Variants in PBX3 observed in about 807,000 individuals in gnomAD.
The protein encoded by PBX3 is PBX homeobox 3.
Under a neutral mutation model 48.5 loss-of-function variants are expected in PBX3, and 14 were observed. That is an observed-to-expected ratio of 0.29 (90% CI 0.19 to 0.45). PBX3 has a LOEUF of 0.45. Ranked by LOEUF, PBX3 falls within the 20% of genes least tolerant of loss-of-function variation. The pLI is 1.00. For synonymous variants in PBX3, 210 were observed against 200.3 expected, an observed-to-expected ratio of 1.05 and a Z score of -0.41; for missense variants, 386 against 546.7, an observed-to-expected ratio of 0.71 and a Z score of 2.93.
intron 4 of PBX3, among the ~76,000 whole-genome samples, chr9:125,932,352 G>T (rs918994576): frequency 1.3e-4 from 19 of 150,662 alleles, no homozygotes; most frequent in African/African-American, 3.8e-4. Context: ...CAACTATTCA[G>T]ACTGAAAGTC....
intron 1 of PBX3, chr9:125,748,205 A>G: frequency 9.9e-7 from 1 of 1,005,974 alleles, no homozygotes; most frequent in Non-Finnish European, 1.2e-6. Context: ...CCTCCTCTGC[A>G]CAGGAGCGGA....
intron 2 of PBX3, among the ~76,000 whole-genome samples, chr9:125,806,943 T>C (rs886175546): frequency 1.3e-5 from 2 of 152,158 alleles, no homozygotes; most frequent in African/African-American, 4.8e-5. Context: ...GGAGAAGATA[T>C]AAGACAGACT....
intron 2 of PBX3, among the ~76,000 whole-genome samples, chr9:125,814,988 C>T (rs1838415810): frequency 6.6e-6 from 1 of 152,178 alleles, no homozygotes; most frequent in African/African-American, 2.4e-5. Context: ...CATCTTTTAT[C>T]AGAATTCTGA....
intron 2 of PBX3, among the ~76,000 whole-genome samples, chr9:125,780,184 C>A (rs1283477008): frequency 7.4e-6 from 1 of 135,916 alleles, no homozygotes; most frequent in Non-Finnish European, 1.6e-5. Context: ...GCTGGCCGGG[C>A]GAGGTGCTGA....
intron 5 of PBX3, among the ~76,000 whole-genome samples, chr9:125,948,811 G>T (rs1243859024): frequency 6.6e-6 from 1 of 151,928 alleles, no homozygotes; most frequent in African/African-American, 2.4e-5. Flanking sequence ...TCTTGCTCCA[G>T]TCTTTATAAT....
At chr9:125,803,736 C>A (rs1424675948) in intron 2 of PBX3, among the ~76,000 whole-genome samples, 1 of 152,142 alleles carries the variant, frequency 6.6e-6, no homozygotes, top group East Asian at 1.9e-4. Context: ...GATGACTACT[C>A]TCGTTTATTT....
intron 3 of PBX3, among the ~76,000 whole-genome samples, chr9:125,916,685 G>A (rs183716302): frequency 6.6e-6 from 1 of 152,218 alleles, no homozygotes; most frequent in African/African-American, 2.4e-5. Flanking sequence ...ATGTTAAAAT[G>A]TGGAGAAAAA....
chr9:125,870,445 G>T (rs1340592617), intron 2 of PBX3, among the ~76,000 whole-genome samples: 1 of 152,142 alleles, frequency 6.6e-6, no homozygotes, highest in East Asian at 1.9e-4. Context: ...ATCATATCAG[G>T]CTGGGTGATC....
chr9:125,905,092 G>A (rs1459793199), intron 2 of PBX3, among the ~76,000 whole-genome samples: 1 of 151,920 alleles, frequency 6.6e-6, no homozygotes, highest in Non-Finnish European at 1.5e-5. Flanking sequence ...CTTCAGAGAA[G>A]TGGGTTGAAT....
At chr9:125,760,404 T>G (rs975276069) in intron 2 of PBX3, among the ~76,000 whole-genome samples, 2 of 148,828 alleles carry the variant, frequency 1.3e-5, no homozygotes, top group African/African-American at 2.5e-5. Context: ...TAGTCTTAGG[T>G]TTTTTTTTTG....
In PBX3 at chr9:125,747,689, T is replaced by C. The variant is rs1262326242; in HGVS notation, c.200+36T>C. 4 of 1,485,252 alleles carry C rather than the reference T, an allele frequency of 2.7e-6. No homozygotes were observed. The African/African-American group carries it at 5.8e-5, about 22-fold the overall frequency. 92.0% of individuals were successfully genotyped at this position (1,485,252 alleles called of 1,614,324 possible). A position where few individuals can be genotyped will look rare whatever the true frequency, so the allele number is the denominator to read the frequency against. Reference sequence around the variant, plus strand: ...TCTCATTAAGCATCTTTTGTGTGTGTGCGGGAGCCGGGCCCGCGGCCGAGT... The same window carrying C: ...TCTCATTAAGCATCTTTTGTGTGTGCGCGGGAGCCGGGCCCGCGGCCGAGT... On this transcript the variant is annotated intron_variant, in intron 1 of 8. Coordinates refer to ENST00000373489, the MANE Select transcript of PBX3 (RefSeq NM_006195.6).
rs1554855766 is a variant in PBX3 at position 125,793,366 on chromosome 9, A to ATATATATATATATAT, written c.274+44743_274+44744insTATATATATATATAT. ...GACTCCATTTGGGGGGGAAAAAAAA[A>ATATATATATATATAT]ATATATATATATATATATATATATA... is the stretch of plus-strand genomic sequence containing the variant. On this transcript the variant is annotated intron_variant, in intron 2 of 8. Transcript: ENST00000373489. Among the ~76,000 whole-genome samples, 133 of 101,906 alleles carry ATATATATATATATAT rather than the reference A, an allele frequency of 1.3e-3. 1 individual carries two copies. The highest frequency in any genetic ancestry group is 2.8e-3 in the East Asian group (9 of 3,166). 66.9% of individuals were successfully genotyped at this position (101,906 alleles called of 152,430 possible). A position where few individuals can be genotyped will look rare whatever the true frequency, so the allele number is the denominator to read the frequency against.
intron 2 of PBX3, among the ~76,000 whole-genome samples, chr9:125,794,805 AC>A (rs1204761590): frequency 6.6e-6 from 1 of 151,956 alleles, no homozygotes; most frequent in Non-Finnish European, 1.5e-5. Context: ...AGGTTGGGCA[AC>A]CAGAGGCAGA....
chr9:125,851,382 C>T (rs1249873917), intron 2 of PBX3, among the ~76,000 whole-genome samples: 1 of 152,048 alleles, frequency 6.6e-6, no homozygotes, highest in African/African-American at 2.4e-5. Context: ...GAAAGATCGA[C>T]AGCCTAGGTA....
chr9:125,936,288 G>A (rs183223862), intron 5 of PBX3, among the ~76,000 whole-genome samples: 64 of 152,260 alleles, frequency 4.2e-4, no homozygotes, highest in Non-Finnish European at 6.8e-4. Flanking sequence ...TAACAAACAA[G>A]TGTACCTCTT....
intron 3 of PBX3, among the ~76,000 whole-genome samples, chr9:125,917,699 C>T (rs1421418675): frequency 1.3e-5 from 2 of 152,100 alleles, no homozygotes; most frequent in African/African-American, 4.8e-5. Flanking sequence ...TAAGCAAATG[C>T]TGAATCCTAT....
intron 2 of PBX3, among the ~76,000 whole-genome samples, chr9:125,862,827 T>A (rs74409926): frequency 0.039 from 5,948 of 152,292 alleles, 409 homozygotes; most frequent in African/African-American, 0.13. Context: ...GAATTACTTT[T>A]AGGACTGTAT....
At chr9:125,878,860 ATGT>A (rs541750055) in intron 2 of PBX3, among the ~76,000 whole-genome samples, 158 of 152,234 alleles carry the variant, frequency 1.0e-3, no homozygotes, top group African/African-American at 3.6e-3. Flanking sequence ...TGGGTCTCAG[ATGT>A]TGTTATGTGA....
At chr9:125,870,474 TCAAACAAACAAA>T (rs141152111) in intron 2 of PBX3, among the ~76,000 whole-genome samples, 1 of 151,874 alleles carries the variant, frequency 6.6e-6, no homozygotes, top group African/African-American at 2.4e-5. Context: ...CTAGACACTG[TCAAACAAACAAA>T]CAAACAAACA....
Sources: allele counts gnomAD v4.1 joint callset (sites outside exome capture counted in the v4.1 genomes callset), GRCh38; gene constraint gnomAD v4.1.1; transcripts MANE v1.5; gene names NCBI Gene and HGNC (gene_info 2026-07-23, HGNC 2026-07-21).